Variants in CADPS observed in about 807,000 individuals in gnomAD.
The protein encoded by CADPS is calcium dependent secretion activator, also known as calcium-dependent secretion activator 1.
Under a neutral mutation model 167.3 loss-of-function variants are expected in CADPS, and 57 were observed. The observed-to-expected ratio is 0.34, with a 90% confidence interval of 0.28 to 0.42. The LOEUF (loss-of-function observed/expected upper bound fraction) is 0.42. Ranked by LOEUF, CADPS falls within the 20% of genes least tolerant of loss-of-function variation. CADPS has a pLI of 1.00. For missense variants in CADPS, 1,414 were observed against 1,738.1 expected (o/e 0.81, Z 3.32); for synonymous variants, 676 against 635.3 (o/e 1.06, Z -0.96).
At chr3:62,523,967 C>A (rs1427459896) in intron 13 of CADPS, among the ~76,000 whole-genome samples, 1 of 152,170 alleles carries the variant, frequency 6.6e-6, no homozygotes, top group Admixed American at 6.5e-5. Flanking sequence ...TGTTCCAGCC[C>A]AGAAACATGA....
chr3:62,421,850 C>T lies in CADPS; in HGVS notation c.3777+16254G>A, dbSNP rs1249149457. On this transcript the variant is annotated intron_variant, in intron 28 of 29. Transcript: ENST00000383710. The surrounding 1 kb of genome is among the most constrained non-coding windows in gnomAD (Gnocchi z 4.7). ...TGTGCTGGACTGTTAGGCTGCATGT[C>T]TCAAGTTATAAAAAGAAAAGCCGAG... 1.3e-5 allele frequency among the ~76,000 whole-genome samples: 2 copies of T among 152,122 alleles called. No homozygotes were observed. Among genetic ancestry groups the T allele is most frequent in the African/African-American group, 4.8e-5 (2 of 41,436 alleles).
At chr3:62,537,323 T>G (rs1024273137) in intron 11 of CADPS, among the ~76,000 whole-genome samples, 1 of 152,202 alleles carries the variant, frequency 6.6e-6, no homozygotes, top group Non-Finnish European at 1.5e-5. Flanking sequence ...GTATTCACAC[T>G]TTTCCTTACG....
At chr3:62,851,317 AT>A (rs1277326481) in intron 1 of CADPS, among the ~76,000 whole-genome samples, 1 of 118,712 alleles carries the variant, frequency 8.4e-6, no homozygotes, top group Non-Finnish European at 1.8e-5. Context: ...TCCTGTCATT[AT>A]GATGTTAGCT....
chr3:62,451,625 A>G (rs969835060), intron 26 of CADPS, among the ~76,000 whole-genome samples: 3 of 152,076 alleles, frequency 2.0e-5, no homozygotes, highest in African/African-American at 7.2e-5. Context: ...AAGGAAAAAA[A>G]CAATCAAGGA....
chr3:62,710,981 C>T (rs1359816202), intron 3 of CADPS, among the ~76,000 whole-genome samples: 2 of 152,122 alleles, frequency 1.3e-5, no homozygotes, highest in African/African-American at 4.8e-5. Flanking sequence ...GTTTGTGCCC[C>T]TCCCCCAGAA....
At chr3:62,408,884 A>G (rs12630374) in intron 28 of CADPS, among the ~76,000 whole-genome samples, 32,000 of 152,198 alleles carry the variant, frequency 0.21, 3,845 homozygotes, top group Middle Eastern at 0.3. Flanking sequence ...CCCCTGTCAG[A>G]CCAGACAACT....
At chr3:62,680,008 A>G (rs1437213217) in intron 3 of CADPS, among the ~76,000 whole-genome samples, 2 of 152,072 alleles carry the variant, frequency 1.3e-5, no homozygotes, top group Non-Finnish European at 2.9e-5. Flanking sequence ...ACTGTTACAC[A>G]ACTTTTAAAA....
intron 3 of CADPS, among the ~76,000 whole-genome samples, chr3:62,680,604 T>C (rs1294280698): frequency 6.6e-6 from 1 of 152,066 alleles, no homozygotes; most frequent in Non-Finnish European, 1.5e-5. Flanking sequence ...ATGTCTCCCC[T>C]GGACTGCTGT....
chr3:62,711,798 G>A (rs1447330949), intron 3 of CADPS, among the ~76,000 whole-genome samples: 2 of 152,114 alleles, frequency 1.3e-5, no homozygotes, highest in Admixed American at 6.6e-5. Context: ...CTATGGTATT[G>A]CTTTATATTC....
At chr3:62,732,459 G>T (rs951224582) in intron 3 of CADPS, among the ~76,000 whole-genome samples, 1 of 152,136 alleles carries the variant, frequency 6.6e-6, no homozygotes. Context: ...CAACACCTTC[G>T]TTGCAGCCTG....
chr3:62,522,273 A>G (rs1169022364), intron 13 of CADPS, among the ~76,000 whole-genome samples: 2 of 152,134 alleles, frequency 1.3e-5, no homozygotes, highest in Non-Finnish European at 2.9e-5. Flanking sequence ...AGAGGCTGGG[A>G]CTGCAGAAGC....
intron 8 of CADPS, among the ~76,000 whole-genome samples, chr3:62,573,074 G>A (rs1035506966): frequency 8.5e-5 from 13 of 152,088 alleles, no homozygotes; most frequent in Non-Finnish European, 1.8e-4. Flanking sequence ...TAGAGATGGG[G>A]TTTCACCATG....
At chr3:62,555,033 G>A (rs949494932) in intron 10 of CADPS, among the ~76,000 whole-genome samples, 3 of 152,148 alleles carry the variant, frequency 2.0e-5, no homozygotes, top group Admixed American at 6.5e-5. Flanking sequence ...GATTACAGGC[G>A]TGAGGCACCG....
intron 26 of CADPS, among the ~76,000 whole-genome samples, chr3:62,452,171 A>G (rs1215284775): frequency 6.6e-6 from 1 of 152,236 alleles, no homozygotes; most frequent in Non-Finnish European, 1.5e-5. Context: ...CAACTAAGAA[A>G]GTACCACTAG....
intron 1 of CADPS, among the ~76,000 whole-genome samples, chr3:62,854,775 T>A (rs929172412): frequency 6.6e-6 from 1 of 152,190 alleles, no homozygotes; most frequent in Non-Finnish European, 1.5e-5. Context: ...AATTCTTTAT[T>A]TAAAAAGGCA....
At position 62,662,296 on chromosome 3, in the gene CADPS, A is replaced by C; in HGVS notation, c.969+18T>G. On this transcript the variant is annotated intron_variant, in intron 4 of 29. Transcript: ENST00000383710. ...ACTTTGGCCTGGACCCCAGCAAACA[A>C]CCACAATGTTTCCTTACCCTGGCTA... 6.2e-7 allele frequency: 1 copy of C among 1,609,216 alleles called. No homozygotes were observed. The highest frequency in any genetic ancestry group is 8.5e-7 in the Non-Finnish European group (1 of 1,175,650).
chr3:62,568,829 A>T (rs952495385), intron 9 of CADPS, among the ~76,000 whole-genome samples: 1 of 152,222 alleles, frequency 6.6e-6, no homozygotes, highest in Non-Finnish European at 1.5e-5. Context: ...TGGGTAATTC[A>T]GCCTTTTTCA....
chr3:62,660,922 G>C (rs1246583652), intron 4 of CADPS, among the ~76,000 whole-genome samples: 2 of 152,136 alleles, frequency 1.3e-5, no homozygotes, highest in Non-Finnish European at 2.9e-5. Context: ...CTGAGCTGAG[G>C]GTGTGCCACA....
chr3:62,459,527 G>A lies in CADPS; in HGVS notation c.3636+5840C>T, dbSNP rs73092118. 3.2e-3 allele frequency among the ~76,000 whole-genome samples: 486 copies of A among 152,098 alleles called. 1 individual carries two copies. Among genetic ancestry groups the A allele is most frequent in the Non-Finnish European group, 4.8e-3 (329 of 68,004 alleles). On this transcript the variant is annotated intron_variant, in intron 26 of 29. Transcript: ENST00000383710. ...TTTCACCTCCAGGTCTTTCTATCTT[G>A]GAATACTCTTTGTTCTCTCCTTTGC...
Sources: allele counts gnomAD v4.1 joint callset (sites outside exome capture counted in the v4.1 genomes callset), GRCh38; gene constraint gnomAD v4.1.1; non-coding constraint Gnocchi (gnomAD v3.1); transcripts MANE v1.5; gene names NCBI Gene and HGNC (gene_info 2026-07-23, HGNC 2026-07-21).